Variants in SLC15A5 observed in about 807,000 individuals in gnomAD.
SLC15A5 encodes the protein solute carrier family 15 member 5.
In SLC15A5, 58 loss-of-function variants were observed where a neutral mutation model predicts 56.1. The ratio of observed to expected loss-of-function variants is 1.03; its 90% CI spans 0.84 to 1.29. SLC15A5 has a LOEUF of 1.29. Ranked by LOEUF, SLC15A5 falls within the 50% of genes most tolerant of loss-of-function variation. The probability of loss-of-function intolerance (pLI) is 0.00; values close to 1 mark genes in which losing one functional copy is unlikely to be tolerated. For missense variants in SLC15A5, 681 were observed against 672.1 expected, an observed-to-expected ratio of 1.01 and a Z score of -0.15; for synonymous variants, 264 against 250.5, an observed-to-expected ratio of 1.05 and a Z score of -0.51.
rs188994799 is a variant in SLC15A5, at chr12:16,194,408, A to C, written c.1529T>G (p.Phe510Cys). The change falls in exon 8 of 9, where the codon TTC (phenylalanine) becomes TGC (cysteine). Residue 510 changes from phenylalanine (F) to cysteine (C), a missense_variant. Transcript: ENST00000344941. ...NTLNKGNLES[F>C]FFFLASLTLL... The stretch of plus-strand genomic sequence containing the variant: ...TGTTAATGATGCCAGGAAGAAGAAG[A>C]AGCTTTCTAAATTGCCTTTGTTTAA... 1.2e-4 allele frequency: 179 copies of C among 1,535,432 alleles called. No individual in the cohort carries two copies. In the Admixed American group the frequency reaches 2.4e-3, roughly 21 times the overall value.
chr12:16,216,273 C>A (rs1254854222), intron 7 of SLC15A5, among the ~76,000 whole-genome samples: 1 of 152,120 alleles, frequency 6.6e-6, no homozygotes, highest in East Asian at 1.9e-4. Context: ...TCATTATTGT[C>A]ATCCTGTCTG....
chr12:16,263,549 A>G (rs942067349), intron 2 of SLC15A5, among the ~76,000 whole-genome samples: 1 of 151,854 alleles, frequency 6.6e-6, no homozygotes, highest in Non-Finnish European at 1.5e-5. Flanking sequence ...CATAAGTAAC[A>G]AGAAACCAAA....
At chr12:16,203,167 A>G (rs1863979416) in intron 7 of SLC15A5, among the ~76,000 whole-genome samples, 1 of 152,148 alleles carries the variant, frequency 6.6e-6, no homozygotes, top group Non-Finnish European at 1.5e-5. Flanking sequence ...GAGGTGGTGG[A>G]CATGCTAATT....
intron 7 of SLC15A5, among the ~76,000 whole-genome samples, chr12:16,213,218 A>T (rs986376944): frequency 3.3e-5 from 5 of 152,152 alleles, no homozygotes; most frequent in Admixed American, 6.5e-5. Context: ...AGACTGGGAT[A>T]GTTTGTCTAT....
chr12:16,193,793 G>GAT (rs1863863417), intron 8 of SLC15A5, among the ~76,000 whole-genome samples: 1 of 25,460 alleles, frequency 3.9e-5, no homozygotes, highest in Non-Finnish European at 8.5e-5. Flanking sequence ...GAGAGAGAGA[G>GAT]AGAGAGAGAG....
intron 5 of SLC15A5, among the ~76,000 whole-genome samples, chr12:16,228,031 A>G (rs746463536): frequency 2.6e-5 from 4 of 152,234 alleles, no homozygotes; most frequent in Non-Finnish European, 4.4e-5. Flanking sequence ...AGTTATGAAT[A>G]TGAATCCAGG....
At chr12:16,239,919 A>G (rs1591652135) in intron 4 of SLC15A5, 52 bp from the exon 5 acceptor site, 1 of 1,470,964 alleles carries the variant, frequency 6.8e-7, no homozygotes, top group East Asian at 2.5e-5. Flanking sequence ...TTAACTTTGA[A>G]GAAAGCATCG....
chr12:16,219,903 A>G (rs893236538), intron 6 of SLC15A5, among the ~76,000 whole-genome samples: 1 of 152,276 alleles, frequency 6.6e-6, no homozygotes, highest in South Asian at 2.1e-4. Flanking sequence ...CTTCTTGCCA[A>G]TGAGCGCTAA....
intron 2 of SLC15A5, among the ~76,000 whole-genome samples, chr12:16,263,983 G>C (rs777646710): frequency 1.3e-5 from 2 of 152,226 alleles, no homozygotes; most frequent in African/African-American, 4.8e-5. Context: ...GAACAGAAAT[G>C]TGGGATCAGA....
chr12:16,194,087 A>G (rs978929914), intron 8 of SLC15A5, among the ~76,000 whole-genome samples: 6 of 152,094 alleles, frequency 3.9e-5, no homozygotes, highest in African/African-American at 1.4e-4. Context: ...TTCTAATTCT[A>G]AAGTGATGCT....
intron 3 of SLC15A5, among the ~76,000 whole-genome samples, chr12:16,253,071 T>A (rs4764256): frequency 0.5 from 76,436 of 151,824 alleles, 19,511 homozygotes; most frequent in South Asian, 0.64. Context: ...TAGGGCGGGG[T>A]AAATCGGATA....
At chr12:16,240,428 A>G (rs1864401761) in intron 4 of SLC15A5, among the ~76,000 whole-genome samples, 1 of 152,104 alleles carries the variant, frequency 6.6e-6, no homozygotes, top group South Asian at 2.1e-4. Context: ...CTTTGTTTCC[A>G]ATGTGAACTA....
At chr12:16,250,399 A>G (rs1864508206) in intron 3 of SLC15A5, among the ~76,000 whole-genome samples, 1 of 152,104 alleles carries the variant, frequency 6.6e-6, no homozygotes, top group South Asian at 2.1e-4. Context: ...TTGTAGGTAT[A>G]TGATAAAAAT....
chr12:16,266,067 C>A (rs1864692807), intron 2 of SLC15A5, among the ~76,000 whole-genome samples: 1 of 152,114 alleles, frequency 6.6e-6, no homozygotes, highest in Non-Finnish European at 1.5e-5. Flanking sequence ...TGGAACGTGA[C>A]CACATTGAGC....
chr12:16,216,103 CACA>C (rs1031020389), intron 7 of SLC15A5, among the ~76,000 whole-genome samples: 2 of 152,038 alleles, frequency 1.3e-5, no homozygotes, highest in East Asian at 1.9e-4. Context: ...ATTTTTAGTG[CACA>C]ACAATAAGTA....
Position 16,194,362 on chromosome 12 carries a change from G to C in SLC15A5, c.1575C>G (p.Phe525Leu), listed in dbSNP as rs1863873821. 6.5e-7 allele frequency: 1 copy of C among 1,533,044 alleles called. No homozygotes were observed. The highest frequency in any genetic ancestry group is 2.0e-5 in the Admixed American group (1 of 50,826). 95.0% of individuals were successfully genotyped at this position (1,533,044 alleles called of 1,614,324 possible). ...ASLTLLNVLG[F>L]CSVSQRYCNL... ...TTACTTACCTTTGTGAAACACTGCA[G>C]AATCCCAGGACGTTCAACAATGTTA... is the stretch of plus-strand genomic sequence containing the variant. Residue 525 changes from phenylalanine (F) to leucine (L), a missense_variant, in exon 8 of 9, where the codon TTC becomes TTG. Coordinates refer to ENST00000344941, the MANE Select transcript of SLC15A5 (RefSeq NM_001170798.1).
chr12:16,233,424 C>T (rs543609162), intron 5 of SLC15A5, among the ~76,000 whole-genome samples: 4 of 152,208 alleles, frequency 2.6e-5, no homozygotes, highest in African/African-American at 9.6e-5. Context: ...AAGGGTGATG[C>T]AATTTCAATT....
At chr12:16,264,874 CAAATT>C (rs1864678423) in intron 2 of SLC15A5, among the ~76,000 whole-genome samples, 1 of 152,150 alleles carries the variant, frequency 6.6e-6, no homozygotes, top group Admixed American at 6.5e-5. Context: ...AACTGTAAGT[CAAATT>C]AAACCTCTTT....
chr12:16,204,781 C>T (rs1863998190), intron 7 of SLC15A5, among the ~76,000 whole-genome samples: 2 of 152,024 alleles, frequency 1.3e-5, no homozygotes, highest in Non-Finnish European at 1.5e-5. Context: ...ATATTAAATA[C>T]TGTTGTGAAT....
Sources: allele counts gnomAD v4.1 joint callset (sites outside exome capture counted in the v4.1 genomes callset), GRCh38; gene constraint gnomAD v4.1.1; transcripts MANE v1.5; gene names NCBI Gene and HGNC (gene_info 2026-07-23, HGNC 2026-07-21).